Variants in CNTNAP4 observed in about 807,000 individuals in gnomAD.
CNTNAP4 encodes the protein contactin associated protein family member 4.
Under a neutral mutation model 148.4 loss-of-function variants are expected in CNTNAP4, and 98 were observed. The ratio of observed to expected loss-of-function variants is 0.66; its 90% CI spans 0.56 to 0.78. The LOEUF is 0.78. Among genes scored for constraint, CNTNAP4 ranks in the 30% least tolerant of loss-of-function variants. CNTNAP4 has a pLI of 0.00. For missense variants in CNTNAP4, 1,935 were observed against 1,565.6 expected (o/e 1.24, Z -3.98); for synonymous variants, 730 against 565.1 (o/e 1.29, Z -4.14).
intron 12 of CNTNAP4, among the ~76,000 whole-genome samples, chr16:76,489,112 T>G (rs9929226): frequency 0.054 from 8,155 of 152,254 alleles, 492 homozygotes; most frequent in African/African-American, 0.15. Flanking sequence ...GAGAGGTATA[T>G]AGAGGGCTAC....
rs2085378386 is a variant in CNTNAP4 at position 76,560,629 on chromosome 16, G to A, written c.*1946G>A. On this transcript the variant is annotated 3_prime_UTR_variant, in exon 24 of 24. Coordinates refer to ENST00000611870, the MANE Select transcript of CNTNAP4 (RefSeq NM_033401.5). ...TATTGGTGAAGCCTCACAGTCCTCT[G>A]TGGTCTGCACTGCTAGAGACTCAAC... 1.3e-5 allele frequency among the ~76,000 whole-genome samples: 2 copies of A among 152,158 alleles called. No homozygotes were observed. The highest frequency in any genetic ancestry group is 2.9e-5 in the Non-Finnish European group (2 of 68,032).
At chr16:76,537,489 G>A (rs1015451853) in intron 18 of CNTNAP4, among the ~76,000 whole-genome samples, 1 of 151,884 alleles carries the variant, frequency 6.6e-6, no homozygotes, top group African/African-American at 2.4e-5. Context: ...AGAGAATTTG[G>A]GATATTAATC....
chr16:76,451,412 A>G (rs2080466438), intron 7 of CNTNAP4, among the ~76,000 whole-genome samples: 1 of 152,126 alleles, frequency 6.6e-6, no homozygotes, highest in Non-Finnish European at 1.5e-5. Context: ...AAAGTGGGTA[A>G]ATTTAAGCTC....
intron 1 of CNTNAP4, among the ~76,000 whole-genome samples, chr16:76,313,621 G>T (rs1449664657): frequency 6.6e-6 from 1 of 152,160 alleles, no homozygotes; most frequent in Non-Finnish European, 1.5e-5. Context: ...GGAACTGTCT[G>T]TCATAATGGT....
chr16:76,279,889 T>A (rs182633157), intron 1 of CNTNAP4, among the ~76,000 whole-genome samples: 14 of 152,220 alleles, frequency 9.2e-5, no homozygotes, highest in Non-Finnish European at 1.9e-4. Flanking sequence ...AAGGTCTACT[T>A]GTACCAAGCC....
rs1163153869 is a variant in CNTNAP4 at position 76,501,933 on chromosome 16, G to C, written c.2365+3239G>C. On this transcript the variant is annotated intron_variant, in intron 15 of 23. Coordinates refer to ENST00000611870, the MANE Select transcript of CNTNAP4 (RefSeq NM_033401.5). ...AAATACAAAAAATTAGCCGGGCGTAGTGGCGGGCGCCTGTAGTCCCAGCTA... is the reference window on the plus strand; with the variant it reads ...AAATACAAAAAATTAGCCGGGCGTACTGGCGGGCGCCTGTAGTCCCAGCTA... Among the ~76,000 whole-genome samples the C allele has an allele frequency of 2.0e-5, 3 of 151,592 alleles. No individual in the cohort carries two copies. The East Asian group carries it at 5.8e-4, about 29-fold the overall frequency.
At chr16:76,363,459 GC>G (rs2013692949) in intron 3 of CNTNAP4, among the ~76,000 whole-genome samples, 1 of 152,026 alleles carries the variant, frequency 6.6e-6, no homozygotes, top group Non-Finnish European at 1.5e-5. Context: ...ACTGCGCCCA[GC>G]CTGGACCCTT....
At chr16:76,423,719 A>G (rs1244422671) in intron 3 of CNTNAP4, among the ~76,000 whole-genome samples, 2 of 152,184 alleles carry the variant, frequency 1.3e-5, no homozygotes, top group Non-Finnish European at 2.9e-5. Flanking sequence ...AATCCAAAGC[A>G]GAATCTTGGT....
At chr16:76,389,835 CT>C (rs2016819940) in intron 3 of CNTNAP4, among the ~76,000 whole-genome samples, 1 of 152,142 alleles carries the variant, frequency 6.6e-6, no homozygotes, top group South Asian at 2.1e-4. Context: ...TCTAATTCTT[CT>C]TTCTAATATG....
intron 19 of CNTNAP4, 42 bp downstream of exon 19, chr16:76,538,382 C>T (rs1291140649): frequency 1.4e-6 from 2 of 1,379,880 alleles, no homozygotes; most frequent in African/African-American, 2.9e-5. Context: ...TAAATTAGAA[C>T]ACTAGCTCTG....
chr16:76,442,739 A>G (rs2080092989), intron 4 of CNTNAP4, among the ~76,000 whole-genome samples: 2 of 152,106 alleles, frequency 1.3e-5, no homozygotes, highest in Admixed American at 6.6e-5. Flanking sequence ...ACAGCCACAA[A>G]CCATTCATAA....
chr16:76,452,259 T>G (rs1317468424), intron 7 of CNTNAP4, among the ~76,000 whole-genome samples: 1 of 152,208 alleles, frequency 6.6e-6, no homozygotes, highest in Non-Finnish European at 1.5e-5. Context: ...TATTCCAATG[T>G]GTATTCTTCT....
chr16:76,558,606 A>C lies in CNTNAP4; in HGVS notation c.3850A>C (p.Ser1284Arg). 1 of 1,613,516 alleles carries C rather than the reference A, an allele frequency of 6.2e-7. No individual in the cohort carries two copies. The highest frequency in any genetic ancestry group is 1.7e-4 in the Middle Eastern group (1 of 6,060). ...SEAKRSENVD[S>R]AEAVLKSELN... is the part of the protein sequence containing the mutation. Reference sequence around the variant, plus strand: ...GGCAAAAAGGTCAGAGAATGTAGACAGTGCTGAGGCTGTTCTGAAAAGTGA... The same window carrying C: ...GGCAAAAAGGTCAGAGAATGTAGACCGTGCTGAGGCTGTTCTGAAAAGTGA... Residue 1284 changes from serine to arginine, a missense_variant, in exon 24 of 24, where the codon AGT (serine) becomes CGT (arginine). Physicochemically the swap from Ser to Arg is moderately radical, Grantham distance 110 (BLOSUM62 -1). Transcript: ENST00000611870.
At chr16:76,482,871 G>A (rs2081886862) in intron 12 of CNTNAP4, among the ~76,000 whole-genome samples, 1 of 152,072 alleles carries the variant, frequency 6.6e-6, no homozygotes, top group African/African-American at 2.4e-5. Flanking sequence ...TGTGTACTTA[G>A]GTTTGGGAAT....
chr16:76,314,097 C>T (rs1159788551), intron 1 of CNTNAP4, among the ~76,000 whole-genome samples: 1 of 152,054 alleles, frequency 6.6e-6, no homozygotes, highest in East Asian at 1.9e-4. Flanking sequence ...ATATGTGATA[C>T]ACATAAAAGG....
intron 1 of CNTNAP4, among the ~76,000 whole-genome samples, chr16:76,296,609 G>T (rs9925092): frequency 0.02 from 3,027 of 152,198 alleles, 103 homozygotes; most frequent in African/African-American, 0.068. Context: ...TAAAGATATA[G>T]AGATGCTGAT....
intron 1 of CNTNAP4, among the ~76,000 whole-genome samples, chr16:76,314,967 G>A (rs1961550089): frequency 1.3e-5 from 2 of 151,790 alleles, no homozygotes; most frequent in Non-Finnish European, 2.9e-5. Context: ...GTATTACTTA[G>A]CTTTGCTTTT....
chr16:76,477,541 G>T (rs892876750), intron 11 of CNTNAP4, among the ~76,000 whole-genome samples: 1 of 152,084 alleles, frequency 6.6e-6, no homozygotes. Flanking sequence ...GCCCTGATTC[G>T]GTGCTGGGGA....
intron 9 of CNTNAP4, among the ~76,000 whole-genome samples, chr16:76,463,749 C>T (rs1408422942): frequency 3.3e-5 from 5 of 152,072 alleles, no homozygotes; most frequent in Non-Finnish European, 5.9e-5. Flanking sequence ...GCATGTCTGT[C>T]CCTTGTATCA....
Sources: allele counts gnomAD v4.1 joint callset (sites outside exome capture counted in the v4.1 genomes callset), GRCh38; gene constraint gnomAD v4.1.1; transcripts MANE v1.5; gene names NCBI Gene and HGNC (gene_info 2026-07-23, HGNC 2026-07-21).